FBRSL1: variants seen among roughly 807,000 people sequenced by gnomAD.
FBRSL1 encodes the protein fibrosin like 1, also known as fibrosin-1-like protein.
In FBRSL1, 51 loss-of-function variants were observed where a neutral mutation model predicts 89.6. The observed-to-expected ratio is 0.57, with a 90% CI of 0.45 to 0.72. The LOEUF (loss-of-function observed/expected upper bound fraction) is 0.72, where lower values mean the gene tolerates loss of function less well. FBRSL1 is among the 30% of genes least tolerant of loss of function. The probability of loss-of-function intolerance (pLI) is 0.00; values close to 1 mark genes in which losing one functional copy is unlikely to be tolerated. For missense variants in FBRSL1, 1,618 were observed against 1,451.8 expected, an observed-to-expected ratio of 1.11 and a Z score of -1.86; for synonymous variants, 779 against 681.1, an observed-to-expected ratio of 1.14 and a Z score of -2.24.
chr12:132,534,753 G>A (rs907072980), intron 4 of FBRSL1, among the ~76,000 whole-genome samples: 2 of 152,240 alleles, frequency 1.3e-5, no homozygotes, highest in Non-Finnish European at 2.9e-5. Context: ...GTGGCTCAAG[G>A]CCCAGGCAGC....
Position 132,564,646 on chromosome 12 carries a change from C to T in FBRSL1, c.646-2835C>T, listed in dbSNP as rs552169205. ...GAGTAGCTGGGACTACAGGCGCCCG[C>T]CACCACGCCCGGCTAATTTTTTGTA... is the stretch of plus-strand genomic sequence containing the variant. On this transcript the variant is annotated intron_variant, in intron 5 of 18. Transcript: ENST00000680143. 5.3e-4 allele frequency among the ~76,000 whole-genome samples: 65 copies of T among 122,922 alleles called. 7 individuals carry two copies. Among genetic ancestry groups the T allele is most frequent in the Middle Eastern group, 7.4e-3 (2 of 272 alleles). 80.6% of individuals were successfully genotyped at this position (122,922 alleles called of 152,430 possible).
At chr12:132,525,588 C>T (rs1288765248) in intron 2 of FBRSL1, 146 bp from the exon 3 acceptor site, 5 of 651,056 alleles carry the variant, frequency 7.7e-6, no homozygotes, top group Non-Finnish European at 1.4e-5. Context: ...CAGCTCGTCA[C>T]ATCCCAAAGC....
intron 5 of FBRSL1, among the ~76,000 whole-genome samples, chr12:132,563,795 A>C (rs1593513098): frequency 2.8e-5 from 1 of 36,200 alleles, no homozygotes; most frequent in Non-Finnish European, 4.4e-5. Context: ...CTGTACACTC[A>C]CCCCCGTCGC....
intron 5 of FBRSL1, chr12:132,552,425 G>A (rs1289517271): frequency 3.2e-5 from 5 of 155,702 alleles, no homozygotes; most frequent in Non-Finnish European, 7.1e-5. Context: ...ACAGACAGAA[G>A]GATGGATGGA....
intron 2 of FBRSL1, chr12:132,509,364 C>A: frequency 8.0e-7 from 1 of 1,245,152 alleles, no homozygotes; most frequent in Non-Finnish European, 1.0e-6. Context: ...CTGGCCCCAG[C>A]GGTCACTTCT....
At chr12:132,521,439 C>T (rs1219917172) in intron 2 of FBRSL1, among the ~76,000 whole-genome samples, 5 of 152,206 alleles carry the variant, frequency 3.3e-5, no homozygotes, top group African/African-American at 1.2e-4. Context: ...TCCCAGGGGG[C>T]CTGTCCTTGG....
chr12:132,536,090 GGT>G (rs56666219), intron 4 of FBRSL1, among the ~76,000 whole-genome samples: 48,677 of 151,034 alleles, frequency 0.32, 8,097 homozygotes, highest in East Asian at 0.55. Context: ...GTGTGTACAT[GGT>G]GTGTGTGTGT....
intron 4 of FBRSL1, among the ~76,000 whole-genome samples, chr12:132,542,656 A>G (rs1391093323): frequency 6.6e-6 from 1 of 152,076 alleles, no homozygotes; most frequent in Non-Finnish European, 1.5e-5. Flanking sequence ...ACCCTTCCCC[A>G]ATGCTGGGCC....
chr12:132,572,993 G>A (rs1463357557), intron 11 of FBRSL1, among the ~76,000 whole-genome samples: 1 of 152,188 alleles, frequency 6.6e-6, no homozygotes, highest in Non-Finnish European at 1.5e-5. Context: ...CATCCACACT[G>A]CGAGGAGGTT....
chr12:132,505,284 C>G (rs892867292), intron 1 of FBRSL1, among the ~76,000 whole-genome samples: 2 of 152,202 alleles, frequency 1.3e-5, no homozygotes, highest in African/African-American at 2.4e-5. Flanking sequence ...CTTCCCCATG[C>G]GAACCTTCTG....
chr12:132,583,802 C>T lies in FBRSL1; in HGVS notation c.*24C>T. On this transcript the variant is annotated 3_prime_UTR_variant, in exon 19 of 19. Transcript: ENST00000680143. ...AGCCCCGGGGCCGCAGACGCCTCTC[C>T]GAGCGGAGCGCACCGCTGTCCGTCT... 6 of 1,182,420 alleles carry T rather than the reference C, an allele frequency of 5.1e-6. No homozygotes were observed. The highest frequency in any genetic ancestry group is 3.3e-5 in the East Asian group (1 of 29,872). 73.2% of individuals were successfully genotyped at this position (1,182,420 alleles called of 1,614,324 possible). A position where few individuals can be genotyped will look rare whatever the true frequency, so the allele number is the denominator to read the frequency against.
intron 1 of FBRSL1, among the ~76,000 whole-genome samples, chr12:132,503,430 G>A (rs1410432594): frequency 3.3e-5 from 5 of 152,260 alleles, no homozygotes; most frequent in Non-Finnish European, 5.9e-5. Context: ...AGAAAAAACC[G>A]GCCAAGGCGA....
intron 5 of FBRSL1, among the ~76,000 whole-genome samples, chr12:132,557,269 A>T (rs1477387175): frequency 1.3e-5 from 2 of 152,174 alleles, no homozygotes. Context: ...TAACTGGATT[A>T]TGTATATTTG....
At chr12:132,511,174 A>G (rs2034295395) in intron 2 of FBRSL1, 1 of 985,216 alleles carries the variant, frequency 1.0e-6, no homozygotes, top group South Asian at 4.7e-5. Context: ...CCTGCAGGGG[A>G]CCCGGAGGCT....
rs561028719 is a variant in FBRSL1 at position 132,546,651 on chromosome 12, G to A, written c.616-1352G>A. ...GCCACGGCTGAAAGGCCAGACCAGGGGGGACCAGCACACAGCCGGGACAGA... is the reference window on the plus strand; with the variant it reads ...GCCACGGCTGAAAGGCCAGACCAGGAGGGACCAGCACACAGCCGGGACAGA... On this transcript the variant is annotated intron_variant, in intron 4 of 18. Transcript: ENST00000680143. The surrounding 1 kb of genome is among the most constrained non-coding windows in gnomAD (Gnocchi z 4.0). Among the ~76,000 whole-genome samples, 3 of 152,266 alleles carry A rather than the reference G, an allele frequency of 2.0e-5. No homozygotes were observed. In the South Asian group the frequency reaches 6.2e-4, roughly 32 times the overall value.
chr12:132,556,520 G>T (rs1402360791), intron 5 of FBRSL1, among the ~76,000 whole-genome samples: 1 of 120,996 alleles, frequency 8.3e-6, no homozygotes. Flanking sequence ...CCTGTGGGAC[G>T]CTCCTCTCCA....
At chr12:132,531,002 G>GT (rs1249000414) in intron 4 of FBRSL1, among the ~76,000 whole-genome samples, 1 of 150,554 alleles carries the variant, frequency 6.6e-6, no homozygotes, top group East Asian at 2.0e-4. Flanking sequence ...TGTGGGGGGG[G>GT]GGGTGCAGGT....
intron 5 of FBRSL1, among the ~76,000 whole-genome samples, chr12:132,557,462 C>T (rs1030083802): frequency 2.0e-5 from 3 of 152,342 alleles, no homozygotes; most frequent in Middle Eastern, 3.4e-3. Flanking sequence ...AGTTTCACCC[C>T]CAAACTGGGG....
At position 132,508,267 on chromosome 12, in the gene FBRSL1, C is replaced by T. The variant is rs1460252795; in HGVS notation, c.406C>T (p.Pro136Ser). The T allele has an allele frequency of 1.9e-6, 3 of 1,550,476 alleles. No homozygotes were observed. The highest frequency in any genetic ancestry group is 2.4e-5 in the East Asian group (1 of 40,902). Residue 136 changes from proline (P) to serine (S), a missense_variant, in exon 2 of 19, where the codon CCC becomes TCC. Coordinates refer to ENST00000680143, the MANE Select transcript of FBRSL1 (RefSeq NM_001367871.1). ...PPAEPSENRR[P>S]LEAGSPGQDL... is the part of the protein sequence containing the mutation. ...TGCGGAGCCCAGTGAGAACAGGCGG[C>T]CCCTGGAGGCAGGCAGCCCCGGGCA... is the stretch of plus-strand genomic sequence containing the variant.
Sources: allele counts gnomAD v4.1 joint callset (sites outside exome capture counted in the v4.1 genomes callset), GRCh38; gene constraint gnomAD v4.1.1; non-coding constraint Gnocchi (gnomAD v3.1); transcripts MANE v1.5; gene names NCBI Gene and HGNC (gene_info 2026-07-23, HGNC 2026-07-21).